Variants in CADM1 observed in about 807,000 individuals in gnomAD.
The protein encoded by CADM1 is TSLC-1.
CADM1 carries 15 observed loss-of-function variants against 53.1 expected under a neutral mutation model. The ratio of observed to expected loss-of-function variants is 0.28; its 90% CI spans 0.19 to 0.44. The LOEUF is 0.44. CADM1 is among the 20% of genes least tolerant of loss of function. The pLI is 1.00. For synonymous variants in CADM1, 281 were observed against 243.0 expected (o/e 1.16, Z -1.45); for missense variants, 434 against 611.3 (o/e 0.71, Z 3.06).
At chr11:115,384,278 G>A (rs1377616917) in intron 1 of CADM1, among the ~76,000 whole-genome samples, 2 of 152,046 alleles carry the variant, frequency 1.3e-5, no homozygotes, top group Non-Finnish European at 2.9e-5. Context: ...TCTGCCCTGA[G>A]TGCACACTAT....
chr11:115,206,399 C>CATGAGGGGT (rs1267044424), intron 8 of CADM1, among the ~76,000 whole-genome samples: 1 of 152,140 alleles, frequency 6.6e-6, no homozygotes, highest in African/African-American at 2.4e-5. Context: ...TGCTCCCACC[C>CATGAGGGGT]ATGAGGGGTA....
chr11:115,341,326 T>C (rs978811909), intron 1 of CADM1, among the ~76,000 whole-genome samples: 2 of 152,126 alleles, frequency 1.3e-5, no homozygotes, highest in African/African-American at 4.8e-5. Context: ...TGAGCTACAA[T>C]GAAGCAAAAA....
At chr11:115,439,216 G>A (rs1042443491) in intron 1 of CADM1, among the ~76,000 whole-genome samples, 18 of 152,134 alleles carry the variant, frequency 1.2e-4, no homozygotes, top group African/African-American at 4.1e-4. Flanking sequence ...GAGAAAACTG[G>A]CCCAAAATGT....
At chr11:115,297,305 A>T (rs1402559545) in intron 1 of CADM1, among the ~76,000 whole-genome samples, 2 of 152,200 alleles carry the variant, frequency 1.3e-5, no homozygotes, top group East Asian at 3.8e-4. Context: ...GACCTGGATG[A>T]TGCAATTAAA....
intron 1 of CADM1, among the ~76,000 whole-genome samples, chr11:115,282,129 T>C (rs1336895118): frequency 6.6e-6 from 1 of 152,246 alleles, no homozygotes; most frequent in East Asian, 1.9e-4. Context: ...GAATAAGTAA[T>C]GCTGATTACC....
At chr11:115,326,578 C>A (rs1944965501) in intron 1 of CADM1, among the ~76,000 whole-genome samples, 1 of 152,124 alleles carries the variant, frequency 6.6e-6, no homozygotes, top group Admixed American at 6.6e-5. Flanking sequence ...ATTTAAAAAT[C>A]CATTTAAAAA....
At chr11:115,389,130 G>A (rs1946771442) in intron 1 of CADM1, among the ~76,000 whole-genome samples, 1 of 152,014 alleles carries the variant, frequency 6.6e-6, no homozygotes, top group South Asian at 2.1e-4. Flanking sequence ...GATAAAGAAG[G>A]AAGGAGTGAA....
chr11:115,359,756 A>G (rs955746811), intron 1 of CADM1, among the ~76,000 whole-genome samples: 2 of 152,192 alleles, frequency 1.3e-5, no homozygotes, highest in Non-Finnish European at 2.9e-5. Context: ...GTTTAAATGT[A>G]AGAGAATGGC....
chr11:115,234,071 T>G (rs772315720), intron 3 of CADM1, among the ~76,000 whole-genome samples: 18 of 152,200 alleles, frequency 1.2e-4, no homozygotes, highest in Non-Finnish European at 2.5e-4. Context: ...CTTAGTGGAA[T>G]TTACCCTCAA....
At position 115,172,594 on chromosome 11, in the gene CADM1, T is replaced by C. The variant is rs957290284; in HGVS notation, c.*3880A>G. On this transcript the variant is annotated 3_prime_UTR_variant, in exon 12 of 12. Coordinates refer to ENST00000331581, the MANE Select transcript of CADM1 (RefSeq NM_001301043.2). Reference sequence around the variant, plus strand: ...TTCTCTGTGTTCAGTGGGGCACCCATGGCTCAGGGTCACTTCAAGTTTTCA... The same window carrying C: ...TTCTCTGTGTTCAGTGGGGCACCCACGGCTCAGGGTCACTTCAAGTTTTCA... 2 of 152,320 alleles carry C rather than the reference T, an allele frequency of 1.3e-5. No individual in the cohort carries two copies. Among genetic ancestry groups the C allele is most frequent in the African/African-American group, 4.8e-5 (2 of 41,456 alleles). The allele number at this position is 152,320 out of a possible 1,614,324, so 9.4% of individuals were successfully genotyped here.
At chr11:115,238,739 C>T in intron 2 of CADM1, 87 bp from the exon 3 acceptor site, 2 of 1,367,612 alleles carry the variant, frequency 1.5e-6, no homozygotes, top group South Asian at 2.4e-5. Flanking sequence ...CTTGCTGTAT[C>T]TGATACTTCT....
At chr11:115,297,509 T>C (rs1244220231) in intron 1 of CADM1, among the ~76,000 whole-genome samples, 1 of 152,198 alleles carries the variant, frequency 6.6e-6, no homozygotes, top group East Asian at 1.9e-4. Context: ...CACTGCCAGC[T>C]AGTCAAAGCC....
chr11:115,179,412 TTTTTA>T (rs1337308422), intron 10 of CADM1, among the ~76,000 whole-genome samples: 16 of 54,534 alleles, frequency 2.9e-4, no homozygotes, highest in African/African-American at 6.4e-4. Flanking sequence ...CCACCAACGG[TTTTTA>T]TTTTATTTAT....
At chr11:115,261,529 T>A (rs1021323705) in intron 1 of CADM1, among the ~76,000 whole-genome samples, 1 of 152,214 alleles carries the variant, frequency 6.6e-6, no homozygotes, top group Non-Finnish European at 1.5e-5. Flanking sequence ...CATTTTCATA[T>A]GTTGAAGGGG....
intron 1 of CADM1, among the ~76,000 whole-genome samples, chr11:115,483,067 G>C (rs1420384647): frequency 3.3e-5 from 5 of 152,146 alleles, no homozygotes; most frequent in Admixed American, 2.6e-4. Flanking sequence ...AGTAAATCCA[G>C]TCTGTCCCAA....
intron 1 of CADM1, among the ~76,000 whole-genome samples, chr11:115,402,252 C>A (rs953264340): frequency 6.6e-6 from 1 of 152,120 alleles, no homozygotes; most frequent in African/African-American, 2.4e-5. Context: ...GGTCCAGGTA[C>A]GGTGGCTCAC....
intron 10 of CADM1, among the ~76,000 whole-genome samples, chr11:115,187,819 C>G (rs559062289): frequency 6.6e-6 from 1 of 152,338 alleles, no homozygotes; most frequent in African/African-American, 2.4e-5. Flanking sequence ...TAGATTCTTC[C>G]TAACACCTAG....
At chr11:115,485,252 T>C (rs1197659386) in intron 1 of CADM1, among the ~76,000 whole-genome samples, 1 of 152,216 alleles carries the variant, frequency 6.6e-6, no homozygotes, top group South Asian at 2.1e-4. Context: ...AGGCTGTTTA[T>C]CTTGTTACCA....
At chr11:115,243,559 A>T in intron 1 of CADM1, among the ~76,000 whole-genome samples, 1 of 152,212 alleles carries the variant, frequency 6.6e-6, no homozygotes, top group East Asian at 1.9e-4. Flanking sequence ...AGGCAAAGGA[A>T]GTGAATGACA....
Sources: allele counts gnomAD v4.1 joint callset (sites outside exome capture counted in the v4.1 genomes callset), GRCh38; gene constraint gnomAD v4.1.1; transcripts MANE v1.5; gene names NCBI Gene and HGNC (gene_info 2026-07-23, HGNC 2026-07-21).